Variants in FOXP1 observed in about 807,000 individuals in gnomAD.
FOXP1 encodes the protein forkhead box P1.
Under a neutral mutation model 98.2 loss-of-function variants are expected in FOXP1, and 15 were observed. The ratio of observed to expected loss-of-function variants is 0.15; its 90% CI spans 0.10 to 0.24. The LOEUF is 0.24. FOXP1 is among the 10% of genes least tolerant of loss of function. The pLI is 1.00. For synonymous variants in FOXP1, 371 were observed against 314.5 expected, an observed-to-expected ratio of 1.18 and a Z score of -1.90; for missense variants, 633 against 848.5, an observed-to-expected ratio of 0.75 and a Z score of 3.15.
intron 2 of FOXP1, among the ~76,000 whole-genome samples, chr3:71,565,451 G>T (rs554728627): frequency 2.6e-5 from 4 of 152,154 alleles, no homozygotes; most frequent in African/African-American, 7.2e-5. Context: ...CAGTGATGGG[G>T]GGGGAGCTAA....
chr3:71,240,634 C>T (rs982539241), intron 5 of FOXP1, among the ~76,000 whole-genome samples: 3 of 151,978 alleles, frequency 2.0e-5, no homozygotes, highest in East Asian at 3.9e-4. Flanking sequence ...CCTCCGCCTC[C>T]GGGGTTCACG....
At chr3:71,107,455 T>C (rs1293769383) in intron 7 of FOXP1, among the ~76,000 whole-genome samples, 1 of 152,200 alleles carries the variant, frequency 6.6e-6, no homozygotes, top group African/African-American at 2.4e-5. Context: ...TATTTCTGTT[T>C]TATTATTTCT....
chr3:71,166,164 G>A (rs1275383898), intron 6 of FOXP1, among the ~76,000 whole-genome samples: 1 of 152,138 alleles, frequency 6.6e-6, no homozygotes, highest in Non-Finnish European at 1.5e-5. Flanking sequence ...TGTAGTATGT[G>A]CAGGGAGTCT....
chr3:71,275,064 G>A lies in FOXP1; in HGVS notation c.-12+24756C>T, dbSNP rs151279003. Among the ~76,000 whole-genome samples, 534 of 152,224 alleles carry A rather than the reference G, an allele frequency of 3.5e-3. 1 individual carries two copies. Among genetic ancestry groups the A allele is most frequent in the Non-Finnish European group, 6.0e-3 (409 of 68,002 alleles). On this transcript the variant is annotated intron_variant, in intron 5 of 20. Coordinates refer to ENST00000649528, the MANE Select transcript of FOXP1 (RefSeq NM_001349338.3). Reference sequence around the variant, plus strand: ...AGGCATCCATTGTTGCCAGTTTCTTGTCTCTCTATTCCAAAAATATTCTGT... The same window carrying A: ...AGGCATCCATTGTTGCCAGTTTCTTATCTCTCTATTCCAAAAATATTCTGT...
intron 3 of FOXP1, among the ~76,000 whole-genome samples, chr3:71,450,216 G>C (rs991528955): frequency 1.3e-5 from 2 of 152,218 alleles, no homozygotes; most frequent in Admixed American, 1.3e-4. Context: ...ACTTTGGTTA[G>C]AAATGCTAAA....
At chr3:71,268,539 T>C (rs1311043332) in intron 5 of FOXP1, among the ~76,000 whole-genome samples, 1 of 152,148 alleles carries the variant, frequency 6.6e-6, no homozygotes, top group African/African-American at 2.4e-5. Context: ...AAATAATCTT[T>C]TTACCATCAC....
At chr3:71,344,219 A>AT (rs1289000591) in intron 4 of FOXP1, among the ~76,000 whole-genome samples, 6 of 152,332 alleles carry the variant, frequency 3.9e-5, no homozygotes, top group Admixed American at 3.9e-4. Flanking sequence ...TTAATTTATA[A>AT]TGAGGAAAGA....
chr3:71,281,395 G>A (rs982028884), intron 5 of FOXP1, among the ~76,000 whole-genome samples: 3 of 152,150 alleles, frequency 2.0e-5, no homozygotes, highest in Non-Finnish European at 4.4e-5. Context: ...CCCACAAACA[G>A]CCAACCCTCT....
chr3:71,042,614 G>A (rs969211338), intron 10 of FOXP1, among the ~76,000 whole-genome samples: 4 of 152,174 alleles, frequency 2.6e-5, no homozygotes, highest in South Asian at 2.1e-4. Context: ...AGAAGTGGAC[G>A]TCTGGATTGC....
chr3:71,372,747 G>A lies in FOXP1; in HGVS notation c.-167-13503C>T, dbSNP rs376604358. Among the ~76,000 whole-genome samples the A allele has an allele frequency of 9.9e-5, 15 of 152,272 alleles. No individual in the cohort carries two copies. In the East Asian group the frequency reaches 1.2e-3, roughly 12 times the overall value. On this transcript the variant is annotated intron_variant, in intron 3 of 20. Transcript: ENST00000649528. The stretch of plus-strand genomic sequence containing the variant: ...GCTAAGAAAAAAGAAAACCTCACTC[G>A]AAGCTATAATGTAACAAGTTATAAA...
At position 71,126,314 on chromosome 3, in the gene FOXP1, C is replaced by T. The variant is rs185410115; in HGVS notation, c.181-13677G>A. Among the ~76,000 whole-genome samples, 340 of 142,082 alleles carry T rather than the reference C, an allele frequency of 2.4e-3. 2 individuals carry two copies. In the East Asian group the frequency reaches 0.036, roughly 15 times the overall value. 93.2% of individuals were successfully genotyped at this position (142,082 alleles called of 152,430 possible). A position where few individuals can be genotyped will look rare whatever the true frequency, so the allele number is the denominator to read the frequency against. ...ACTGGCTAACACAGCGAAACCCCGT[C>T]TCTATTAAAAATACAAAAAAAAAAA... On this transcript the variant is annotated intron_variant, in intron 6 of 20. Transcript: ENST00000649528.
At chr3:71,045,705 C>A (rs2048931723) in intron 10 of FOXP1, among the ~76,000 whole-genome samples, 2 of 152,082 alleles carry the variant, frequency 1.3e-5, no homozygotes, top group South Asian at 4.1e-4. Context: ...GGTCTCGATA[C>A]TAAAAACAAA....
intron 7 of FOXP1, among the ~76,000 whole-genome samples, chr3:71,101,307 CAG>C (rs1177918672): frequency 3.3e-5 from 5 of 152,024 alleles, no homozygotes; most frequent in African/African-American, 9.7e-5. Context: ...CACTTAGGAG[CAG>C]TACAACAGGT....
intron 5 of FOXP1, among the ~76,000 whole-genome samples, chr3:71,243,070 T>A (rs999380978): frequency 6.6e-6 from 1 of 152,048 alleles, no homozygotes; most frequent in Non-Finnish European, 1.5e-5. Flanking sequence ...AATTTGAATA[T>A]CTCCCCGTCT....
intron 7 of FOXP1, among the ~76,000 whole-genome samples, chr3:71,104,423 AT>A (rs1164688078): frequency 3.3e-5 from 5 of 151,906 alleles, no homozygotes; most frequent in Non-Finnish European, 5.9e-5. Flanking sequence ...TGCTGCTTTT[AT>A]TTTTTTCGTT....
At chr3:71,406,495 T>C (rs1194995102) in intron 3 of FOXP1, among the ~76,000 whole-genome samples, 3 of 149,610 alleles carry the variant, frequency 2.0e-5, no homozygotes, top group Non-Finnish European at 4.5e-5. Flanking sequence ...ATTTCCAAAG[T>C]CAGCAACATT....
chr3:71,331,591 C>T (rs1040488339), intron 4 of FOXP1, among the ~76,000 whole-genome samples: 3 of 152,230 alleles, frequency 2.0e-5, no homozygotes, highest in Admixed American at 6.5e-5. Context: ...AGAATCTTCA[C>T]GTCTAGCTAA....
chr3:71,384,587 G>A (rs1484494145), intron 3 of FOXP1, among the ~76,000 whole-genome samples: 1 of 152,162 alleles, frequency 6.6e-6, no homozygotes, highest in East Asian at 1.9e-4. Context: ...CAGTAATGTG[G>A]CCAATTGGAG....
chr3:71,219,515 C>T (rs2108498316), intron 5 of FOXP1, among the ~76,000 whole-genome samples: 1 of 152,290 alleles, frequency 6.6e-6, no homozygotes, highest in South Asian at 2.1e-4. Context: ...ATGTGAATCT[C>T]TTCTTTTAAC....
Sources: gnomAD v4.1 joint callset for allele counts (sites outside exome capture counted in the v4.1 genomes callset) on GRCh38, gnomAD v4.1.1 for gene constraint, MANE v1.5 for transcripts, NCBI Gene and HGNC (gene_info 2026-07-23, HGNC 2026-07-21) for gene names.